Variants in SPACA6 observed in about 807,000 individuals in gnomAD.
The protein encoded by SPACA6 is sperm acrosome membrane-associated protein 6.
For synonymous variants in SPACA6, 6 were observed against 1.5 expected (o/e 4.05, Z -2.21); for missense variants, 8 against 2.8 (o/e 2.88, Z -1.34).
chr19:51,688,921 AC>A (rs1161879282), upstream of SPACA6, among the ~76,000 whole-genome samples: 24 of 108,274 alleles, frequency 2.2e-4, no homozygotes, highest in Admixed American at 6.8e-4. Flanking sequence ...GAGAGAGAGA[AC>A]GAGAGAGAAG....
downstream of SPACA6, among the ~76,000 whole-genome samples, chr19:51,705,529 C>T (rs1386501563): frequency 2.0e-5 from 3 of 152,056 alleles, no homozygotes; most frequent in Non-Finnish European, 4.4e-5. Context: ...AATTCATTTT[C>T]ATTTCCAACC....
At chr19:51,694,250 G>A in intron 1 of SPACA6, 1 of 373,540 alleles carries the variant, frequency 2.7e-6, no homozygotes, top group East Asian at 3.9e-5. Flanking sequence ...GGACAGAGAT[G>A]AGGCAGAGAC....
chr19:51,683,169 G>A, the SPACA6 span, among the ~76,000 whole-genome samples: 1 of 152,198 alleles, frequency 6.6e-6, no homozygotes, highest in African/African-American at 2.4e-5. Flanking sequence ...GCTTCTGGTG[G>A]TTGCCAGTCA....
At chr19:51,695,832 G>T (rs2061982591) in intron 2 of SPACA6, among the ~76,000 whole-genome samples, 1 of 152,204 alleles carries the variant, frequency 6.6e-6, no homozygotes, top group South Asian at 2.1e-4. Context: ...GGGGGCTGGG[G>T]CCGTGAAGGT....
At chr19:51,701,758 C>T (rs111977001) in intron 3 of SPACA6, 32 bp downstream of exon 3, 18 of 357,572 alleles carry the variant, frequency 5.0e-5, no homozygotes, top group Non-Finnish European at 6.0e-5. Context: ...CTTCCCCAGA[C>T]ACACACACAC....
intron 2 of SPACA6, among the ~76,000 whole-genome samples, chr19:51,699,903 ATTC>A (rs1287992579): frequency 6.6e-6 from 1 of 152,136 alleles, no homozygotes; most frequent in Non-Finnish European, 1.5e-5. Context: ...TCAGCTGTCT[ATTC>A]TTATTCCACT....
At chr19:51,713,135 A>T, downstream of SPACA6, 1 of 369,272 alleles carries the variant, frequency 2.7e-6, no homozygotes, top group East Asian at 4.1e-5. The surrounding 1 kb of genome is among the most constrained non-coding windows in gnomAD (Gnocchi z 4.5). Context: ...ATTCTTTATT[A>T]CATCCTGATC....
At chr19:51,701,772 A>G (rs563872502) in intron 3 of SPACA6, 46 bp downstream of exon 3, 85 of 394,858 alleles carry the variant, frequency 2.2e-4, no homozygotes, top group Non-Finnish European at 3.0e-4. Flanking sequence ...CACACACACA[A>G]TTAGAAAACC....
At chr19:51,690,616 C>T (rs1303720856), upstream of SPACA6, among the ~76,000 whole-genome samples, 1 of 151,998 alleles carries the variant, frequency 6.6e-6, no homozygotes, top group Non-Finnish European at 1.5e-5. Context: ...GGAGGGGGAC[C>T]TAGGCCTGGG....
At chr19:51,708,859 A>T (rs567860670), downstream of SPACA6, among the ~76,000 whole-genome samples, 571 of 135,968 alleles carry the variant, frequency 4.2e-3, 1 homozygote, top group Middle Eastern at 0.015. Flanking sequence ...GACTCTGTCT[A>T]AAAAAAAAAA....
chr19:51,704,170 C>T lies in SPACA6; in HGVS notation c.714C>T (p.Leu238=). The change falls in exon 7 of 9, where the codon CTC becomes CTT. Residue 238 remains leucine, a synonymous_variant. Coordinates refer to ENST00000637797, the MANE Select transcript of SPACA6 (RefSeq NM_001316972.2). ...AAGACCAGCGCCCCCTGGCCCGGCT[C>T]TACTTCTTTCTTAACGGTGGGGCGG... The part of the protein sequence containing the change: ...IKQDQRPLAR[L]YFFLNVTGPP... 2.5e-6 allele frequency: 1 copy of T among 401,072 alleles called. No homozygotes were observed. Among genetic ancestry groups the T allele is most frequent in the Non-Finnish European group, 4.4e-6 (1 of 226,152 alleles). 24.8% of individuals were successfully genotyped at this position (401,072 alleles called of 1,614,324 possible).
At position 51,703,766 on chromosome 19, in the gene SPACA6, G is replaced by A. The variant is rs1401243495; in HGVS notation, c.574-264G>A. On this transcript the variant is annotated intron_variant, in intron 6 of 8. Coordinates refer to ENST00000637797, the MANE Select transcript of SPACA6 (RefSeq NM_001316972.2). This position sits in a 1 kb window ranked among gnomAD's most constrained non-coding sequence, Gnocchi z 4.2. ...TGAGCTATGATCGCGCCACTGCACT[G>A]CAGCCTGGGCGCCAGAACGAGACCC... Among the ~76,000 whole-genome samples the A allele has an allele frequency of 2.0e-5, 3 of 152,064 alleles. No homozygotes were observed. Among genetic ancestry groups the A allele is most frequent in the African/African-American group, 7.2e-5 (3 of 41,394 alleles).
downstream of SPACA6, among the ~76,000 whole-genome samples, chr19:51,705,570 G>A (rs1236017382): frequency 6.6e-6 from 1 of 151,860 alleles, no homozygotes; most frequent in Non-Finnish European, 1.5e-5. Flanking sequence ...AATATCTCAT[G>A]AAGCTGCCTT....
upstream of SPACA6, chr19:51,692,513 G>C (rs8112073): frequency 6.9e-6 from 3 of 434,768 alleles, no homozygotes; most frequent in Non-Finnish European, 1.4e-5. The surrounding 1 kb of genome is among the most constrained non-coding windows in gnomAD (Gnocchi z 5.6). Context: ...AGGGGGATGA[G>C]AGCCTTGACT....
intron 2 of SPACA6, among the ~76,000 whole-genome samples, chr19:51,694,989 C>T (rs919318840): frequency 2.0e-5 from 3 of 152,078 alleles, no homozygotes; most frequent in African/African-American, 7.2e-5. Context: ...CCTGATGAGC[C>T]TGATCTTAGG....
rs1380057294 is a variant in SPACA6, at chr19:51,703,477, T to C, written c.573+140T>C. ...CATCAGCAAGAGGAGGGTCGCGGGA[T>C]TTAGGGGAGAGCTCGAAGATCAGAA... On this transcript the variant is annotated intron_variant, in intron 6 of 8. Coordinates refer to ENST00000637797, the MANE Select transcript of SPACA6 (RefSeq NM_001316972.2). The surrounding 1 kb of genome is among the most constrained non-coding windows in gnomAD (Gnocchi z 4.2). 8 of 395,884 alleles carry C rather than the reference T, an allele frequency of 2.0e-5. No individual in the cohort carries two copies. The highest frequency in any genetic ancestry group is 3.6e-5 in the Non-Finnish European group (8 of 224,760). 24.5% of individuals were successfully genotyped at this position (395,884 alleles called of 1,614,324 possible).
At chr19:51,713,028 A>T, downstream of SPACA6, 1 of 175,860 alleles carries the variant, frequency 5.7e-6, no homozygotes, top group Non-Finnish European at 1.2e-5. The surrounding 1 kb of genome is among the most constrained non-coding windows in gnomAD (Gnocchi z 4.5). Flanking sequence ...CCAGGTTCAA[A>T]CGGCTAGCAC....
intron 2 of SPACA6, among the ~76,000 whole-genome samples, chr19:51,695,527 C>T (rs2122203022): frequency 6.6e-6 from 1 of 152,300 alleles, no homozygotes; most frequent in South Asian, 2.1e-4. Flanking sequence ...AGGGAAGGTT[C>T]CCATCCACCC....
At chr19:51,699,883 C>T (rs575109384) in intron 2 of SPACA6, among the ~76,000 whole-genome samples, 24 of 152,260 alleles carry the variant, frequency 1.6e-4, no homozygotes, top group South Asian at 1.2e-3. Flanking sequence ...CAAATCACCA[C>T]GAGATCAAGT....
Sources: gnomAD v4.1 joint callset for allele counts (sites outside exome capture counted in the v4.1 genomes callset) on GRCh38, gnomAD v4.1.1 for gene constraint, Gnocchi (gnomAD v3.1) non-coding constraint, MANE v1.5 for transcripts, NCBI Gene and HGNC (gene_info 2026-07-23, HGNC 2026-07-21) for gene names.